TBC1D19: variants seen among roughly 807,000 people sequenced by gnomAD.
The protein encoded by TBC1D19 is TBC1 domain family member 19.
In TBC1D19, 60 loss-of-function variants were observed where a neutral mutation model predicts 89.0. The observed-to-expected ratio is 0.67, with a 90% CI of 0.55 to 0.84. The LOEUF (loss-of-function observed/expected upper bound fraction) is 0.84. Ranked by LOEUF, TBC1D19 falls within the 40% of genes least tolerant of loss-of-function variation. The pLI, the probability that TBC1D19 is intolerant of heterozygous loss-of-function variation, is 0.00. For synonymous variants in TBC1D19, 189 were observed against 199.7 expected, an observed-to-expected ratio of 0.95 and a Z score of 0.45; for missense variants, 500 against 610.8, an observed-to-expected ratio of 0.82 and a Z score of 1.91.
At chr4:26,759,071 A>G (rs1459183235), downstream of TBC1D19, among the ~76,000 whole-genome samples, 1 of 152,144 alleles carries the variant, frequency 6.6e-6, no homozygotes, top group African/African-American at 2.4e-5. Context: ...TTACTTGTAC[A>G]TCAAAACCCA....
the TBC1D19 span, among the ~76,000 whole-genome samples, chr4:26,850,947 A>T: frequency 6.6e-6 from 1 of 152,194 alleles, no homozygotes; most frequent in Admixed American, 6.5e-5. Flanking sequence ...TCCACCCTCA[A>T]TGTGAGCAGG....
chr4:26,730,251 A>G (rs896461129), intron 15 of TBC1D19, among the ~76,000 whole-genome samples: 9 of 152,222 alleles, frequency 5.9e-5, no homozygotes, highest in African/African-American at 2.2e-4. Context: ...GTCTCTGGAT[A>G]TAGAGATACA....
intron 13 of TBC1D19, among the ~76,000 whole-genome samples, chr4:26,716,139 AT>A: frequency 6.6e-6 from 1 of 152,228 alleles, no homozygotes; most frequent in East Asian, 1.9e-4. Context: ...TGTTACACAC[AT>A]TCTGCTCCAT....
At chr4:26,844,661 C>G in the TBC1D19 span, among the ~76,000 whole-genome samples, 1 of 152,242 alleles carries the variant, frequency 6.6e-6, no homozygotes, top group Non-Finnish European at 1.5e-5. Flanking sequence ...TAAATGGCTG[C>G]AGCCAGCTGT....
intron 18 of TBC1D19, among the ~76,000 whole-genome samples, chr4:26,743,334 G>A (rs962248032): frequency 6.6e-6 from 1 of 152,076 alleles, no homozygotes; most frequent in African/African-American, 2.4e-5. Flanking sequence ...GAATAGTATA[G>A]CATTTGTCTT....
intron 9 of TBC1D19, among the ~76,000 whole-genome samples, chr4:26,668,619 T>A (rs1333588188): frequency 6.6e-6 from 1 of 151,950 alleles, no homozygotes; most frequent in African/African-American, 2.4e-5. Flanking sequence ...GACCTCTTAT[T>A]TTATATTTTA....
At chr4:26,723,704 AT>A (rs1432018918) in intron 15 of TBC1D19, among the ~76,000 whole-genome samples, 1 of 152,158 alleles carries the variant, frequency 6.6e-6, no homozygotes, top group African/African-American at 2.4e-5. Context: ...AGCTTTTTAT[AT>A]TTTTTGTTGT....
At chr4:26,794,579 AG>A in the TBC1D19 span, among the ~76,000 whole-genome samples, 1 of 152,214 alleles carries the variant, frequency 6.6e-6, no homozygotes. Flanking sequence ...TAATCAGAAA[AG>A]AACTGGGAAA....
intron 19 of TBC1D19, among the ~76,000 whole-genome samples, chr4:26,750,160 C>G (rs1718871501): frequency 6.6e-6 from 1 of 152,150 alleles, no homozygotes; most frequent in African/African-American, 2.4e-5. Context: ...ATCATGTTTT[C>G]TCTACTCTCA....
chr4:26,822,485 C>T, the TBC1D19 span, among the ~76,000 whole-genome samples: 1 of 152,322 alleles, frequency 6.6e-6, no homozygotes, highest in Admixed American at 6.5e-5. Context: ...TTCCAAGCCC[C>T]ATATGTTTCC....
Position 26,712,484 on chromosome 4 carries a change from A to G in TBC1D19, c.955-5449A>G, listed in dbSNP as rs571612556. ...ACCCTGCTGCTTCTCTCTTTCATGT[A>G]TAAGAATCCTTGGTTACATTGGGCC... On this transcript the variant is annotated intron_variant, in intron 13 of 20. Transcript: ENST00000264866. 1.1e-4 allele frequency among the ~76,000 whole-genome samples: 17 copies of G among 152,162 alleles called. 1 individual carries two copies. Among genetic ancestry groups the G allele is most frequent in the Admixed American group, 9.8e-4 (15 of 15,252 alleles).
At chr4:26,720,942 G>A (rs1188527529) in intron 15 of TBC1D19, among the ~76,000 whole-genome samples, 1 of 152,118 alleles carries the variant, frequency 6.6e-6, no homozygotes, top group Non-Finnish European at 1.5e-5. Context: ...TAGCTGTTAT[G>A]AGTGTGTTTA....
chr4:26,707,969 AT>A (rs1715864363), intron 13 of TBC1D19, among the ~76,000 whole-genome samples: 1 of 152,128 alleles, frequency 6.6e-6, no homozygotes, highest in Non-Finnish European at 1.5e-5. Context: ...TGATTTTTAA[AT>A]AATGACTTTT....
chr4:26,759,242 A>T (rs1337030407), downstream of TBC1D19, among the ~76,000 whole-genome samples: 1 of 152,214 alleles, frequency 6.6e-6, no homozygotes, highest in Non-Finnish European at 1.5e-5. Context: ...ATATATCTCT[A>T]GAATCTAGCA....
In TBC1D19 at chr4:26,687,447, C is replaced by T. The variant is rs1341436163; in HGVS notation, c.892-898C>T. Among the ~76,000 whole-genome samples the T allele has an allele frequency of 2.0e-5, 3 of 152,108 alleles. No individual in the cohort carries two copies. The East Asian group carries it at 5.8e-4, about 29-fold the overall frequency. Reference sequence around the variant, plus strand: ...TGTTCTTTACACTGAAGCACACAAGCAGCAGTTTCCAACTCTGGACATAAT... The same window carrying T: ...TGTTCTTTACACTGAAGCACACAAGTAGCAGTTTCCAACTCTGGACATAAT... On this transcript the variant is annotated intron_variant, in intron 12 of 20. Transcript: ENST00000264866.
the TBC1D19 span, among the ~76,000 whole-genome samples, chr4:26,776,407 C>T: frequency 6.6e-6 from 1 of 152,096 alleles, no homozygotes. Context: ...GATAACAAAA[C>T]TCACCCCAAC....
chr4:26,829,749 C>T, the TBC1D19 span, among the ~76,000 whole-genome samples: 1 of 152,228 alleles, frequency 6.6e-6, no homozygotes, highest in Non-Finnish European at 1.5e-5. Flanking sequence ...TTTTTTACCT[C>T]ATCAGGACTA....
the TBC1D19 span, among the ~76,000 whole-genome samples, chr4:26,845,613 T>G: frequency 1.3e-5 from 2 of 152,212 alleles, no homozygotes; most frequent in Admixed American, 1.3e-4. Context: ...TCTCATTGTA[T>G]TAGTCTTTTC....
At position 26,584,259 on chromosome 4, in the gene TBC1D19, C is replaced by T. The variant is rs4692549; in HGVS notation, c.66C>T (p.Ser22=). The T allele has an allele frequency of 0.39, 632,376 of 1,610,896 alleles. 126,635 individuals are homozygous for T. Among genetic ancestry groups the T allele is most frequent in the Non-Finnish European group, 0.41 (487,634 of 1,178,732 alleles). The change falls in exon 1 of 21, where the codon TCC becomes TCT. Residue 22 remains serine (S), a synonymous_variant. Transcript: ENST00000264866. The stretch of plus-strand genomic sequence containing the variant: ...AGATAGTCCAAAAGCTCAAGGGCTC[C>T]AATTTGTACTCTCAGCTGGAACGGC... ...IAQIVQKLKG[S]NLYSQLERQA... is the part of the protein sequence containing the mutation.
Sources: gnomAD v4.1 joint callset for allele counts (sites outside exome capture counted in the v4.1 genomes callset) on GRCh38, gnomAD v4.1.1 for gene constraint, MANE v1.5 for transcripts, NCBI Gene and HGNC (gene_info 2026-07-23, HGNC 2026-07-21) for gene names.